HIP1R: variants seen among roughly 807,000 people sequenced by gnomAD.
HIP1R encodes the protein huntingtin-interacting protein 1-related protein.
In HIP1R, 135 loss-of-function variants were observed where a neutral mutation model predicts 144.2. That is an observed-to-expected ratio of 0.94 (90% confidence interval 0.81 to 1.08). The LOEUF is 1.08. Among genes scored for constraint, HIP1R ranks in the 50% least tolerant of loss-of-function variants. The probability of loss-of-function intolerance (pLI) is 0.00; values close to 1 mark genes in which losing one functional copy is unlikely to be tolerated. For missense variants in HIP1R, 1,462 were observed against 1,432.8 expected (o/e 1.02, Z -0.33); for synonymous variants, 698 against 612.8 (o/e 1.14, Z -2.05).
chr12:122,855,874 C>A lies in HIP1R; in HGVS notation c.1099C>A (p.Arg367Ser), dbSNP rs868554228. 3.4e-6 allele frequency: 5 copies of A among 1,484,366 alleles called. No homozygotes were observed. The highest frequency in any genetic ancestry group is 4.5e-6 in the Non-Finnish European group (5 of 1,099,062). 91.9% of individuals were successfully genotyped at this position (1,484,366 alleles called of 1,614,324 possible). A position where few individuals can be genotyped will look rare whatever the true frequency, so the allele number is the denominator to read the frequency against. ...ESLKREVEMLRSELEKIKLEA... is the reference protein window; with the variant it reads ...ESLKREVEMLSSELEKIKLEA... The stretch of plus-strand genomic sequence containing the variant: ...CTTGAAGAGAGAGGTGGAAATGCTC[C>A]GCTCTGAACTGGAGAAGATCAAGCT... Residue 367 changes from arginine (R) to serine (S), a missense_variant, in exon 13 of 32, where the codon CGC becomes AGC. This residue lies in a region of HIP1R where 1,112 missense variants were observed against 1,011.7 expected (regional missense o/e 1.10). Coordinates refer to ENST00000253083, the MANE Select transcript of HIP1R (RefSeq NM_003959.3).
rs765753108 is a variant in HIP1R, at chr12:122,848,860, C to A, written c.357+8C>A. On this transcript the variant is annotated splice_region_variant and intron_variant, in intron 4 of 31. Transcript: ENST00000253083. ...GAGATTGGAGACCTGTGGGTAGGTCCAGCCATTCTAGGTCCTGCCTGGCAT... is the reference window on the plus strand; with the variant it reads ...GAGATTGGAGACCTGTGGGTAGGTCAAGCCATTCTAGGTCCTGCCTGGCAT... 1.9e-6 allele frequency: 3 copies of A among 1,613,100 alleles called. No homozygotes were observed. The highest frequency in any genetic ancestry group is 2.5e-6 in the Non-Finnish European group (3 of 1,179,842).
At chr12:122,855,430 C>G in intron 11 of HIP1R, 25 bp downstream of exon 11, 1 of 1,551,402 alleles carries the variant, frequency 6.4e-7, no homozygotes, top group Middle Eastern at 2.3e-4. Context: ...CAGCCCGTGT[C>G]CCCCAGTCCT....
At chr12:122,848,001 C>T in intron 1 of HIP1R, 30 bp from the exon 2 acceptor site, 1 of 1,611,710 alleles carries the variant, frequency 6.2e-7, no homozygotes, top group Non-Finnish European at 8.5e-7. Flanking sequence ...CTGCCTGGGG[C>T]TCTAAACACT....
Position 122,862,804 on chromosome 12 carries a change from C to T in HIP1R, c.*1051C>T, listed in dbSNP as rs2033808473. ...CTGCTCCCCCCACCCCAGCCCTAGCCCTTTAGCCTTTCACCCTGTGCTCTG... is the reference window on the plus strand; with the variant it reads ...CTGCTCCCCCCACCCCAGCCCTAGCTCTTTAGCCTTTCACCCTGTGCTCTG... On this transcript the variant is annotated 3_prime_UTR_variant, in exon 32 of 32. Transcript: ENST00000253083. 1.3e-5 allele frequency: 2 copies of T among 152,104 alleles called. No individual in the cohort carries two copies. Among genetic ancestry groups the T allele is most frequent in the African/African-American group, 4.8e-5 (2 of 41,402 alleles). 9.4% of individuals were successfully genotyped at this position (152,104 alleles called of 1,614,324 possible). A position where few individuals can be genotyped will look rare whatever the true frequency, so the allele number is the denominator to read the frequency against.
At chr12:122,847,977 G>A in intron 1 of HIP1R, 54 bp from the exon 2 acceptor site, 2 of 1,562,904 alleles carry the variant, frequency 1.3e-6, no homozygotes, top group Admixed American at 1.7e-5. Flanking sequence ...TTGGGGTGGT[G>A]TCTCCTGGGG....
chr12:122,861,533 T>G lies in HIP1R; in HGVS notation c.3159+19T>G. Reference sequence around the variant, plus strand: ...CCACCAGGTGCCGTCTGCACTGGGATGGGGGAGTTCCTGGACGGGGGTGCT... The same window carrying G: ...CCACCAGGTGCCGTCTGCACTGGGAGGGGGGAGTTCCTGGACGGGGGTGCT... On this transcript the variant is annotated intron_variant, in intron 31 of 31. Coordinates refer to ENST00000253083, the MANE Select transcript of HIP1R (RefSeq NM_003959.3). 1.2e-6 allele frequency: 2 copies of G among 1,603,104 alleles called. No individual in the cohort carries two copies. Among genetic ancestry groups the G allele is most frequent in the Non-Finnish European group, 8.5e-7 (1 of 1,175,074 alleles).
At chr12:122,858,742 C>T (rs2033673379) in intron 20 of HIP1R, 96 bp from the exon 21 acceptor site, 12 of 876,536 alleles carry the variant, frequency 1.4e-5, no homozygotes, top group Non-Finnish European at 2.3e-5. Context: ...CTTTCCTCTT[C>T]CTCCTCCTCC....
chr12:122,852,218 G>T (rs971331221), intron 7 of HIP1R, among the ~76,000 whole-genome samples: 1 of 152,260 alleles, frequency 6.6e-6, no homozygotes, highest in Non-Finnish European at 1.5e-5. Flanking sequence ...GGTCTGGCCA[G>T]TGCAGCTGGG....
At position 122,855,584 on chromosome 12, in the gene HIP1R, C is replaced by G. The variant is rs1328994499; in HGVS notation, c.1027C>G (p.Pro343Ala). The G allele has an allele frequency of 6.5e-7, 1 of 1,549,638 alleles. No homozygotes were observed. Among genetic ancestry groups the G allele is most frequent in the Non-Finnish European group, 8.7e-7 (1 of 1,147,016 alleles). The change falls in exon 12 of 32, where the codon CCC (proline) becomes GCC (alanine). Residue 343 changes from proline to alanine, a missense_variant. By Grantham distance (27) the Pro-to-Ala change is conservative. Coordinates refer to ENST00000253083, the MANE Select transcript of HIP1R (RefSeq NM_003959.3). ...VADLFDQTFG[P>A]PNGSVKDDRD... ...TGACCTCTTCGATCAGACGTTTGGA[C>G]CCCCCAATGGGTCTGTGAAGGACGA... is the stretch of plus-strand genomic sequence containing the variant.
intron 26 of HIP1R, 82 bp downstream of exon 26, chr12:122,860,292 C>A: frequency 6.5e-7 from 1 of 1,533,322 alleles, no homozygotes; most frequent in Non-Finnish European, 8.9e-7. Flanking sequence ...AGACCCTCCA[C>A]CCCCTACCAC....
At chr12:122,849,997 G>A (rs373090169) in intron 5 of HIP1R, 42 bp downstream of exon 5, 4 of 1,390,396 alleles carry the variant, frequency 2.9e-6, no homozygotes. Context: ...GGACCCGTGG[G>A]CTTTTCCCAC....
intron 6 of HIP1R, 89 bp from the exon 7 acceptor site, chr12:122,851,147 G>A: frequency 8.4e-7 from 1 of 1,194,436 alleles, no homozygotes. Flanking sequence ...TGTCGGCGGT[G>A]CCCCCGTCCC....
Position 122,858,238 on chromosome 12 carries a change from C to T in HIP1R, c.1952C>T (p.Thr651Ile), listed in dbSNP as rs1369239444. Residue 651 changes from threonine to isoleucine, a missense_variant, in exon 19 of 32, where the codon ACC (threonine) becomes ATC (isoleucine). Thr to Ile is a moderately conservative substitution (Grantham distance 89). Transcript: ENST00000253083. The part of the protein sequence containing the change: ...KLDDPLHLRC[T>I]SSPDYLVSRA... ...GACGACCCCCTGCACCTGCGCTGTA[C>T]CAGCTCCCCAGGTAGACAGTGGGGC... The T allele has an allele frequency of 6.3e-7, 1 of 1,593,560 alleles. No homozygotes were observed. The highest frequency in any genetic ancestry group is 1.3e-5 in the African/African-American group (1 of 74,686).
chr12:122,857,219 T>C lies in HIP1R; in HGVS notation c.1815+4T>C, dbSNP rs372374186. On this transcript the variant is annotated splice_donor_region_variant and intron_variant, in intron 18 of 31. Coordinates refer to ENST00000253083, the MANE Select transcript of HIP1R (RefSeq NM_003959.3). ...GCAGGGCCGGCTGGCAGAGAGGGTA[T>C]GGCCTCCCCAGATGCAGCAGCACCA... is the stretch of plus-strand genomic sequence containing the variant. 371 of 1,550,148 alleles carry C rather than the reference T, an allele frequency of 2.4e-4. No individual in the cohort carries two copies. In the African/African-American group the frequency reaches 4.3e-3, roughly 18 times the overall value.
In HIP1R at chr12:122,852,575, G is replaced by A. The variant is rs557411980; in HGVS notation, c.577+1278G>A. ...TGTGTTGATGAAGCACAAATGGGGTGTACCAGCATCTGCTGGAGAAATTCC... is the reference window on the plus strand; with the variant it reads ...TGTGTTGATGAAGCACAAATGGGGTATACCAGCATCTGCTGGAGAAATTCC... On this transcript the variant is annotated intron_variant, in intron 7 of 31. Coordinates refer to ENST00000253083, the MANE Select transcript of HIP1R (RefSeq NM_003959.3). Among the ~76,000 whole-genome samples the A allele has an allele frequency of 1.1e-4, 16 of 152,342 alleles. No homozygotes were observed. The East Asian group carries it at 2.7e-3, about 26-fold the overall frequency.
rs2033782119 is a variant in HIP1R at position 122,861,833 on chromosome 12, CCCT to C, written c.*83_*85del. The C allele has an allele frequency of 7.3e-7, 1 of 1,367,294 alleles. No homozygotes were observed. Among genetic ancestry groups the C allele is most frequent in the Non-Finnish European group, 1.0e-6 (1 of 970,366 alleles). 84.7% of individuals were successfully genotyped at this position (1,367,294 alleles called of 1,614,324 possible). A position where few individuals can be genotyped will look rare whatever the true frequency, so the allele number is the denominator to read the frequency against. ...CCCTGACAGGACCGAGAGGCCTTGC[CCCT>C]CCACCTGGTGCCCAAGCCTCCCGCC... On this transcript the variant is annotated 3_prime_UTR_variant, in exon 32 of 32. Transcript: ENST00000253083.
At chr12:122,838,491 A>G (rs2032969854) in intron 1 of HIP1R, among the ~76,000 whole-genome samples, 1 of 152,174 alleles carries the variant, frequency 6.6e-6, no homozygotes, top group Non-Finnish European at 1.5e-5. Context: ...TAGTAGGTAG[A>G]TAGACCTAGG....
At chr12:122,838,668 G>A (rs999502670) in intron 1 of HIP1R, among the ~76,000 whole-genome samples, 2 of 152,240 alleles carry the variant, frequency 1.3e-5, no homozygotes, top group Admixed American at 6.5e-5. Flanking sequence ...TTAGTAAGGC[G>A]TTGCAGGTGG....
chr12:122,860,003 CT>C (rs764142812), intron 24 of HIP1R, 43 bp from the exon 25 acceptor site: 7 of 1,535,190 alleles, frequency 4.6e-6, no homozygotes, highest in Non-Finnish European at 6.1e-6. Context: ...GTCGTGTGGG[CT>C]GCTCTGCAGA....
Sources: allele counts gnomAD v4.1 joint callset (sites outside exome capture counted in the v4.1 genomes callset), GRCh38; gene constraint gnomAD v4.1.1; regional missense constraint gnomAD v4.1.1; transcripts MANE v1.5; gene names NCBI Gene and HGNC (gene_info 2026-07-23, HGNC 2026-07-21).